Variants in UBE2H observed in about 807,000 individuals in gnomAD.
The protein encoded by UBE2H is ubiquitin-conjugating enzyme E2 H.
A neutral mutation model predicts 29.0 loss-of-function variants in UBE2H; 3 were observed. The observed-to-expected ratio is 0.10, with a 90% confidence interval of 0.05 to 0.27. UBE2H has a LOEUF of 0.27. Ranked by LOEUF, UBE2H falls within the 10% of genes least tolerant of loss-of-function variation. UBE2H has a pLI of 1.00. For synonymous variants in UBE2H, 69 were observed against 82.9 expected (o/e 0.83, Z 0.91); for missense variants, 68 against 228.2 (o/e 0.30, Z 4.52).
intron 1 of UBE2H, among the ~76,000 whole-genome samples, chr7:129,922,930 C>T (rs1455912323): frequency 4.0e-5 from 6 of 151,868 alleles, no homozygotes; most frequent in Non-Finnish European, 7.4e-5. Context: ...GAGAAGGAGT[C>T]TCGCTCTGTC....
intron 1 of UBE2H, among the ~76,000 whole-genome samples, chr7:129,903,279 TC>T (rs1563040788): frequency 3.3e-5 from 5 of 152,228 alleles, no homozygotes; most frequent in Non-Finnish European, 5.9e-5. Context: ...AGTATTTATT[TC>T]AACAGTTGTG....
intron 1 of UBE2H, among the ~76,000 whole-genome samples, chr7:129,903,297 T>C (rs1806753883): frequency 6.6e-6 from 1 of 152,172 alleles, no homozygotes; most frequent in Non-Finnish European, 1.5e-5. Context: ...TGTGCTAAAA[T>C]AGATCAACCA....
At chr7:129,891,047 A>T (rs1806473479) in intron 1 of UBE2H, among the ~76,000 whole-genome samples, 1 of 151,662 alleles carries the variant, frequency 6.6e-6, no homozygotes, top group Non-Finnish European at 1.5e-5. Context: ...GAGGCAGGAG[A>T]ATGGCTTGAA....
chr7:129,928,903 T>C (rs1807328595), intron 1 of UBE2H, among the ~76,000 whole-genome samples: 2 of 152,238 alleles, frequency 1.3e-5, no homozygotes, highest in Non-Finnish European at 2.9e-5. Context: ...TTTAAAAGAC[T>C]TGAATTCTAG....
At chr7:129,882,602 G>A (rs762991535) in intron 1 of UBE2H, among the ~76,000 whole-genome samples, 1 of 152,092 alleles carries the variant, frequency 6.6e-6, no homozygotes, top group Admixed American at 6.6e-5. Flanking sequence ...TTTTCTAAAC[G>A]ATAACTTACT....
At chr7:129,878,114 G>T (rs1806182899) in intron 3 of UBE2H, among the ~76,000 whole-genome samples, 2 of 152,106 alleles carry the variant, frequency 1.3e-5, no homozygotes, top group African/African-American at 4.8e-5. Flanking sequence ...TGAATAAACT[G>T]GGGACAGGGA....
intron 1 of UBE2H, among the ~76,000 whole-genome samples, chr7:129,882,475 A>G (rs1188692404): frequency 1.3e-5 from 2 of 152,270 alleles, no homozygotes; most frequent in African/African-American, 4.8e-5. Context: ...AATGAGACAC[A>G]GAACTGACTG....
intron 5 of UBE2H, among the ~76,000 whole-genome samples, chr7:129,847,030 T>C (rs537607693): frequency 5.7e-4 from 86 of 151,106 alleles, no homozygotes; most frequent in Middle Eastern, 3.4e-3. Context: ...TTATTATTAT[T>C]ATTTTTTGAG....
chr7:129,865,087 C>T (rs1439235890), intron 3 of UBE2H: 5 of 441,254 alleles, frequency 1.1e-5, no homozygotes, highest in Non-Finnish European at 2.3e-5. Context: ...ATCCAAATCA[C>T]ACTTAATGTA....
chr7:129,942,467 A>G (rs913292344), intron 1 of UBE2H, among the ~76,000 whole-genome samples: 4 of 152,184 alleles, frequency 2.6e-5, no homozygotes, highest in Admixed American at 1.3e-4. Flanking sequence ...AGCCTGGGCA[A>G]CAAGAGTGAA....
intron 3 of UBE2H, among the ~76,000 whole-genome samples, chr7:129,877,600 G>T (rs1013442726): frequency 6.6e-6 from 1 of 152,118 alleles, no homozygotes; most frequent in Non-Finnish European, 1.5e-5. Context: ...ACATTTGTAG[G>T]CATTATCAAG....
At chr7:129,849,445 G>T (rs1416334684) in intron 5 of UBE2H, among the ~76,000 whole-genome samples, 2 of 152,122 alleles carry the variant, frequency 1.3e-5, no homozygotes, top group Non-Finnish European at 1.5e-5. Context: ...GGGTTTGGTG[G>T]TGGGCGCCGG....
chr7:129,916,022 G>C (rs1165819243), intron 1 of UBE2H, among the ~76,000 whole-genome samples: 1 of 152,108 alleles, frequency 6.6e-6, no homozygotes, highest in African/African-American at 2.4e-5. Flanking sequence ...TAAAAAGCCA[G>C]AAAAAATCCA....
At chr7:129,903,454 A>G (rs1806756538) in intron 1 of UBE2H, among the ~76,000 whole-genome samples, 1 of 152,214 alleles carries the variant, frequency 6.6e-6, no homozygotes, top group South Asian at 2.1e-4. Context: ...ATTGTAGGAT[A>G]TATTTCACAT....
chr7:129,937,016 C>A (rs1312254403), intron 1 of UBE2H, among the ~76,000 whole-genome samples: 1 of 151,204 alleles, frequency 6.6e-6, no homozygotes, highest in South Asian at 2.1e-4. Context: ...ACAAAAAAAA[C>A]ACACAGACTT....
Position 129,832,441 on chromosome 7 carries a change from C to G in UBE2H, c.*2496G>C, listed in dbSNP as rs2727501. ...AGCCTTATCCCACCTTCATCACACACACTTAGATGGACACACACACACTCT... is the reference window on the plus strand; with the variant it reads ...AGCCTTATCCCACCTTCATCACACAGACTTAGATGGACACACACACACTCT... On this transcript the variant is annotated 3_prime_UTR_variant, in exon 7 of 7. Transcript: ENST00000355621. 0.95 allele frequency: 145,347 copies of G among 152,612 alleles called. 69,505 individuals carry two copies. The highest frequency in any genetic ancestry group is 1 in the East Asian group (5,186 of 5,186). 9.5% of individuals were successfully genotyped at this position (152,612 alleles called of 1,614,324 possible).
At chr7:129,865,094 T>A in intron 3 of UBE2H, 1 of 434,552 alleles carries the variant, frequency 2.3e-6, no homozygotes, top group African/African-American at 2.0e-5. Flanking sequence ...TCACACTTAA[T>A]GTAAAACTAT....
chr7:129,902,342 T>C (rs1353823687), intron 1 of UBE2H, among the ~76,000 whole-genome samples: 5 of 151,920 alleles, frequency 3.3e-5, no homozygotes, highest in African/African-American at 1.2e-4. Flanking sequence ...CTACTAAAAA[T>C]ACAAAAAAAT....
At chr7:129,923,149 C>T (rs935975084) in intron 1 of UBE2H, among the ~76,000 whole-genome samples, 7 of 152,154 alleles carry the variant, frequency 4.6e-5, no homozygotes, top group African/African-American at 1.7e-4. Context: ...ATCCACCCGC[C>T]TCGGCCTCCC....
Sources: allele counts gnomAD v4.1 joint callset (sites outside exome capture counted in the v4.1 genomes callset), GRCh38; gene constraint gnomAD v4.1.1; transcripts MANE v1.5; gene names NCBI Gene and HGNC (gene_info 2026-07-23, HGNC 2026-07-21).